Variants in CNTN1 observed in about 807,000 individuals in gnomAD.
CNTN1 encodes contactin 1, also known as contactin-1.
Under a neutral mutation model 126.4 loss-of-function variants are expected in CNTN1, and 38 were observed. That is an observed-to-expected ratio of 0.30 (90% CI 0.23 to 0.39). The LOEUF is 0.39. Ranked by LOEUF, CNTN1 falls within the 10% of genes least tolerant of loss-of-function variation. CNTN1 has a pLI of 1.00. For synonymous variants in CNTN1, 413 were observed against 422.6 expected (o/e 0.98, Z 0.28); for missense variants, 1,009 against 1,248.4 (o/e 0.81, Z 2.89).
chr12:40,924,714 T>C (rs1344792294), intron 6 of CNTN1, 62 bp downstream of exon 6: 1 of 874,096 alleles, frequency 1.1e-6, no homozygotes, highest in African/African-American at 1.7e-5. Flanking sequence ...GTTTCCATTT[T>C]CTTAGTAATA....
chr12:40,862,061 G>GA (rs63714262), intron 1 of CNTN1, among the ~76,000 whole-genome samples: 92,352 of 147,570 alleles, frequency 0.63, 29,017 homozygotes, highest in African/African-American at 0.73. Context: ...CAAAAATAAA[G>GA]AAAAAAAAAA....
At chr12:40,792,142 T>C (rs1343142271) in intron 1 of CNTN1, among the ~76,000 whole-genome samples, 1 of 151,974 alleles carries the variant, frequency 6.6e-6, no homozygotes, top group East Asian at 1.9e-4. Context: ...CAAAGAACAA[T>C]AGGGGCTGGA....
At chr12:40,707,692 T>A (rs1252608092) in intron 1 of CNTN1, among the ~76,000 whole-genome samples, 1 of 152,230 alleles carries the variant, frequency 6.6e-6, no homozygotes, top group Admixed American at 6.5e-5. Flanking sequence ...GATATTTTTT[T>A]TGATGACTGA....
At chr12:40,917,935 C>T (rs73126511) in intron 3 of CNTN1, among the ~76,000 whole-genome samples, 2,166 of 152,188 alleles carry the variant, frequency 0.014, 14 homozygotes, top group Middle Eastern at 0.034. Context: ...TGAGTGCCAA[C>T]GCTAGTCACA....
chr12:40,868,853 G>T (rs1943394129), intron 1 of CNTN1, among the ~76,000 whole-genome samples: 1 of 152,070 alleles, frequency 6.6e-6, no homozygotes, highest in Non-Finnish European at 1.5e-5. Context: ...CACTGGTACT[G>T]TGCTAGAAAG....
At chr12:40,844,164 T>C (rs1229363361) in intron 1 of CNTN1, among the ~76,000 whole-genome samples, 4 of 145,234 alleles carry the variant, frequency 2.8e-5, no homozygotes, top group Non-Finnish European at 6.0e-5. Context: ...GCCTCCAGGG[T>C]TCAAGCGATT....
At chr12:40,974,849 G>A (rs956974585) in intron 15 of CNTN1, among the ~76,000 whole-genome samples, 1 of 151,944 alleles carries the variant, frequency 6.6e-6, no homozygotes, top group Non-Finnish European at 1.5e-5. Flanking sequence ...TCAGAAAAAA[G>A]CATAATTTTT....
At chr12:41,029,256 C>A in intron 23 of CNTN1, 37 bp downstream of exon 23, 2 of 1,611,824 alleles carry the variant, frequency 1.2e-6, no homozygotes, top group Non-Finnish European at 1.7e-6. Context: ...CAACTAAGTA[C>A]TTGTGAGTTT....
intron 1 of CNTN1, among the ~76,000 whole-genome samples, chr12:40,765,969 A>T (rs754420212): frequency 2.0e-5 from 3 of 152,162 alleles, no homozygotes; most frequent in African/African-American, 4.8e-5. Context: ...TGGAAGCTGG[A>T]GATGCCTATG....
At chr12:40,852,516 A>C (rs1230338086) in intron 1 of CNTN1, among the ~76,000 whole-genome samples, 1 of 151,432 alleles carries the variant, frequency 6.6e-6, no homozygotes, top group African/African-American at 2.4e-5. Flanking sequence ...GTATTTTAAG[A>C]ATCTTGTGTG....
intron 1 of CNTN1, among the ~76,000 whole-genome samples, chr12:40,837,196 C>A (rs1001787641): frequency 1.3e-5 from 2 of 152,092 alleles, no homozygotes; most frequent in Non-Finnish European, 2.9e-5. Context: ...GCCTTTCATG[C>A]CCACCTCCTC....
intron 1 of CNTN1, among the ~76,000 whole-genome samples, chr12:40,709,149 T>C (rs1941844736): frequency 6.6e-6 from 1 of 152,246 alleles, no homozygotes; most frequent in Non-Finnish European, 1.5e-5. Context: ...AATTACTCCT[T>C]GATTCATGGC....
At chr12:40,885,408 G>A (rs575575068) in intron 1 of CNTN1, among the ~76,000 whole-genome samples, 1 of 151,946 alleles carries the variant, frequency 6.6e-6, no homozygotes, top group East Asian at 1.9e-4. Context: ...CAATTGGTGG[G>A]ATTATAGTTA....
chr12:40,765,961 G>A (rs1939067689), intron 1 of CNTN1, among the ~76,000 whole-genome samples: 2 of 152,156 alleles, frequency 1.3e-5, no homozygotes, highest in African/African-American at 4.8e-5. Context: ...CAATGTTGTG[G>A]AAGCTGGAGA....
intron 23 of CNTN1, among the ~76,000 whole-genome samples, chr12:41,065,254 A>G (rs1712757077): frequency 6.6e-6 from 1 of 152,034 alleles, no homozygotes; most frequent in African/African-American, 2.4e-5. Context: ...ACGGGGTTTC[A>G]CCGTGTTAGC....
chr12:40,914,318 A>T (rs1945153892), intron 3 of CNTN1, among the ~76,000 whole-genome samples: 2 of 152,184 alleles, frequency 1.3e-5, no homozygotes, highest in African/African-American at 4.8e-5. Context: ...TAGTTGAGCT[A>T]GCGTGGTCGG....
intron 1 of CNTN1, among the ~76,000 whole-genome samples, chr12:40,697,338 ATTG>A (rs1320855059): frequency 6.6e-6 from 1 of 152,102 alleles, no homozygotes; most frequent in Non-Finnish European, 1.5e-5. Flanking sequence ...CTTCTGAGTT[ATTG>A]TTCCTATGAT....
intron 14 of CNTN1, among the ~76,000 whole-genome samples, chr12:40,950,963 TATATA>T (rs1284091286): frequency 6.6e-6 from 1 of 151,826 alleles, no homozygotes; most frequent in African/African-American, 2.4e-5. Context: ...TAAGCATATA[TATATA>T]ATATAATATA....
chr12:40,993,158 G>A lies in CNTN1; in HGVS notation c.2002G>A (p.Ala668Thr), dbSNP rs549628424. 7 of 1,613,638 alleles carry A rather than the reference G, an allele frequency of 4.3e-6. No individual in the cohort carries two copies. In the East Asian group the frequency reaches 1.6e-4, roughly 36 times the overall value. ...IIEGNMEAAR[A>T]VDLIPWMEYE... ...TGAAGGAAATATGGAGGCAGCAAGAGCAGTGGACTTAATCCCATGGATGGA... is the reference window on the plus strand; with the variant it reads ...TGAAGGAAATATGGAGGCAGCAAGAACAGTGGACTTAATCCCATGGATGGA... Residue 668 changes from alanine to threonine, a missense_variant, in exon 17 of 24, where the codon GCA becomes ACA. Ala to Thr is a moderately conservative substitution (Grantham distance 58). Transcript: ENST00000551295.
Sources: gnomAD v4.1 joint callset for allele counts (sites outside exome capture counted in the v4.1 genomes callset) on GRCh38, gnomAD v4.1.1 for gene constraint, MANE v1.5 for transcripts, NCBI Gene and HGNC (gene_info 2026-07-23, HGNC 2026-07-21) for gene names.